TPRG1: variants seen among roughly 807,000 people sequenced by gnomAD.
TPRG1 encodes tumor protein p63 regulated 1, also known as tumor protein p63-regulated gene 1 protein.
Under a neutral mutation model 29.3 loss-of-function variants are expected in TPRG1, and 29 were observed. The ratio of observed to expected loss-of-function variants is 0.99; its 90% CI spans 0.74 to 1.35. The LOEUF is 1.35. TPRG1 is among the 40% of genes most tolerant of loss of function. The pLI is 0.00. For missense variants in TPRG1, 327 were observed against 335.0 expected (o/e 0.98, Z 0.19); for synonymous variants, 130 against 116.8 (o/e 1.11, Z -0.73).
intron 1 of TPRG1, among the ~76,000 whole-genome samples, chr3:189,183,515 T>C (rs1417080112): frequency 6.6e-6 from 1 of 151,766 alleles, no homozygotes; most frequent in Non-Finnish European, 1.5e-5. Context: ...AGCCTGGGAG[T>C]GCTATGGGAG....
chr3:189,105,145 C>G (rs144953911), intron 1 of TPRG1, among the ~76,000 whole-genome samples: 1 of 152,220 alleles, frequency 6.6e-6, no homozygotes, highest in Non-Finnish European at 1.5e-5. Flanking sequence ...TTAAGGACAT[C>G]CCACTCCTGA....
At chr3:189,174,112 AAG>A (rs2108672300) in intron 1 of TPRG1, among the ~76,000 whole-genome samples, 1 of 152,282 alleles carries the variant, frequency 6.6e-6, no homozygotes, top group South Asian at 2.1e-4. Flanking sequence ...TTAAAACTTG[AAG>A]TGATAGTTGA....
chr3:189,184,594 G>A (rs938011499), intron 1 of TPRG1, among the ~76,000 whole-genome samples: 1 of 152,024 alleles, frequency 6.6e-6, no homozygotes, highest in African/African-American at 2.4e-5. Context: ...AATTAAATGA[G>A]GCCAAATAAT....
At chr3:189,293,126 T>G (rs1255453824) in intron 4 of TPRG1, among the ~76,000 whole-genome samples, 2 of 152,222 alleles carry the variant, frequency 1.3e-5, no homozygotes, top group African/African-American at 4.8e-5. Flanking sequence ...AGTTGGCAAC[T>G]TGATGCCAGA....
At chr3:189,149,231 G>A (rs1197759345) in intron 4 of TPRG1, among the ~76,000 whole-genome samples, 1 of 152,080 alleles carries the variant, frequency 6.6e-6, no homozygotes, top group East Asian at 1.9e-4. Context: ...ATAGAAAGCA[G>A]CCATCTCTGC....
chr3:189,249,571 G>T (rs1028059387), intron 4 of TPRG1, among the ~76,000 whole-genome samples: 18 of 151,710 alleles, frequency 1.2e-4, no homozygotes, highest in African/African-American at 3.6e-4. Flanking sequence ...TGACAGTTAT[G>T]GCCTTAATTA....
At chr3:188,997,491 G>C (rs532263967) in intron 1 of TPRG1, among the ~76,000 whole-genome samples, 2 of 152,272 alleles carry the variant, frequency 1.3e-5, no homozygotes, top group South Asian at 4.1e-4. Flanking sequence ...ATGAAGTACA[G>C]TGTAACGTTT....
At chr3:189,069,280 A>C (rs367897981) in intron 4 of TPRG1, among the ~76,000 whole-genome samples, 1 of 152,350 alleles carries the variant, frequency 6.6e-6, no homozygotes, top group African/African-American at 2.4e-5. Flanking sequence ...AATTCCATTT[A>C]AACAACTTTC....
At chr3:189,193,774 T>C (rs1203132958) in intron 1 of TPRG1, among the ~76,000 whole-genome samples, 1 of 151,232 alleles carries the variant, frequency 6.6e-6, no homozygotes. Context: ...ATGTCTACTA[T>C]CTCTGTGCAA....
intron 1 of TPRG1, chr3:189,190,983 A>G (rs1488977497): frequency 3.0e-6 from 3 of 985,304 alleles, no homozygotes; most frequent in African/African-American, 1.7e-5. Context: ...TGCGAATATC[A>G]CAGGTAGGTC....
At chr3:189,263,007 T>C (rs931552519) in intron 4 of TPRG1, among the ~76,000 whole-genome samples, 1 of 152,154 alleles carries the variant, frequency 6.6e-6, no homozygotes, top group African/African-American at 2.4e-5. Flanking sequence ...TTGAGCAAAA[T>C]AGAAGCCACA....
intron 4 of TPRG1, among the ~76,000 whole-genome samples, chr3:189,047,926 C>G (rs1038593426): frequency 6.6e-6 from 1 of 152,164 alleles, no homozygotes; most frequent in Non-Finnish European, 1.5e-5. Context: ...AAGTCTGGAA[C>G]CCCTCAGTTA....
intron 1 of TPRG1, among the ~76,000 whole-genome samples, chr3:189,123,951 A>G (rs999582380): frequency 2.0e-5 from 3 of 152,204 alleles, no homozygotes; most frequent in East Asian, 1.9e-4. Context: ...CTATTTGCCA[A>G]TTAGAGGTGG....
At chr3:189,190,012 A>G (rs1052473052) in intron 1 of TPRG1, among the ~76,000 whole-genome samples, 3 of 152,218 alleles carry the variant, frequency 2.0e-5, no homozygotes, top group Admixed American at 1.3e-4. Context: ...AGCTTCTCTC[A>G]TAGTTAACAG....
chr3:189,310,257 C>A (rs28363884), intron 4 of TPRG1, 129 bp from the exon 5 acceptor site: 2 of 690,090 alleles, frequency 2.9e-6, no homozygotes, highest in Non-Finnish European at 2.2e-6. Context: ...TTTCTTCTCA[C>A]CCCCTAAAAT....
At chr3:189,077,309 C>A (rs1179711767) in intron 4 of TPRG1, among the ~76,000 whole-genome samples, 2 of 152,082 alleles carry the variant, frequency 1.3e-5, no homozygotes, top group Middle Eastern at 3.2e-3. Context: ...CAACGTGGAT[C>A]TCAAAAACAT....
chr3:189,188,030 A>T (rs1348999336), intron 1 of TPRG1, among the ~76,000 whole-genome samples: 1 of 152,198 alleles, frequency 6.6e-6, no homozygotes, highest in Non-Finnish European at 1.5e-5. Context: ...GATTGGCTGA[A>T]CTCCCAAATG....
intron 4 of TPRG1, among the ~76,000 whole-genome samples, chr3:189,067,264 T>G (rs1267668960): frequency 1.3e-5 from 2 of 152,188 alleles, no homozygotes. Context: ...ATCTATAGAT[T>G]CAGTGCAATC....
At position 189,022,800 on chromosome 3, in the gene TPRG1, G is replaced by A. The variant is rs546656587; in HGVS notation, c.-659-950G>A. ...TGCTTTGTTTACCTAATCAAGCCGG[G>A]GCAATGGCGGGCGCCCCTCCCCCAG... On this transcript the variant is annotated intron_variant, in intron 3 of 10. Coordinates refer to the TPRG1 transcript ENST00000433971. 7.8e-3 allele frequency among the ~76,000 whole-genome samples: 1,195 copies of A among 152,330 alleles called. 4 individuals carry two copies. Among genetic ancestry groups the A allele is most frequent in the Non-Finnish European group, 0.011 (753 of 68,018 alleles).
Sources: allele counts gnomAD v4.1 joint callset (sites outside exome capture counted in the v4.1 genomes callset), GRCh38; gene constraint gnomAD v4.1.1; transcripts MANE v1.5; gene names NCBI Gene and HGNC (gene_info 2026-07-23, HGNC 2026-07-21).